Variants in TPST2 observed in about 807,000 individuals in gnomAD.
The protein encoded by TPST2 is protein-tyrosine sulfotransferase 2.
TPST2 carries 16 observed loss-of-function variants against 27.8 expected under a neutral mutation model. That is an observed-to-expected ratio of 0.58 (90% CI 0.39 to 0.88). The LOEUF (loss-of-function observed/expected upper bound fraction) is 0.88. Ranked by LOEUF, TPST2 falls within the 40% of genes least tolerant of loss-of-function variation. The pLI, the probability that TPST2 is intolerant of heterozygous loss-of-function variation, is 0.00. For synonymous variants in TPST2, 229 were observed against 231.7 expected, an observed-to-expected ratio of 0.99 and a Z score of 0.10; for missense variants, 464 against 543.1, an observed-to-expected ratio of 0.85 and a Z score of 1.45.
At chr22:26,533,359 G>A (rs1013066209) in intron 4 of TPST2, among the ~76,000 whole-genome samples, 3 of 152,170 alleles carry the variant, frequency 2.0e-5, no homozygotes, top group African/African-American at 7.2e-5. Flanking sequence ...GGTTGAGGCT[G>A]CAGTGAAGTA....
At chr22:26,532,577 T>G in intron 5 of TPST2, 118 bp downstream of exon 5, 2 of 1,188,968 alleles carry the variant, frequency 1.7e-6, no homozygotes, top group African/African-American at 1.5e-5. Context: ...CACATCCCCC[T>G]TTTTATAATG....
chr22:26,556,973 G>A (rs2147213021), intron 1 of TPST2, among the ~76,000 whole-genome samples: 1 of 152,368 alleles, frequency 6.6e-6, no homozygotes, highest in East Asian at 1.9e-4. Flanking sequence ...GATCCCAGCT[G>A]CTCACAAAGC....
chr22:26,536,157 A>C (rs1925449247), intron 4 of TPST2, 131 bp downstream of exon 4: 4 of 1,221,096 alleles, frequency 3.3e-6, no homozygotes, highest in Non-Finnish European at 4.7e-6. Flanking sequence ...CACTGTGTCC[A>C]TCAGACAGGA....
At chr22:26,554,327 C>A (rs1290530352) in intron 1 of TPST2, among the ~76,000 whole-genome samples, 1 of 152,204 alleles carries the variant, frequency 6.6e-6, no homozygotes, top group Non-Finnish European at 1.5e-5. Context: ...CTGGCACAGC[C>A]CCTGCTCAGG....
At chr22:26,558,612 T>C (rs75587512) in intron 1 of TPST2, among the ~76,000 whole-genome samples, 24,149 of 151,990 alleles carry the variant, frequency 0.16, 2,181 homozygotes, top group South Asian at 0.3. Flanking sequence ...TCTCTTGGGG[T>C]GGGCTTGCTG....
intron 1 of TPST2, among the ~76,000 whole-genome samples, chr22:26,581,112 C>T (rs1928094576): frequency 6.6e-6 from 1 of 152,120 alleles, no homozygotes; most frequent in South Asian, 2.1e-4. Flanking sequence ...TACCAGGCCA[C>T]AGAGTCTCAC....
At chr22:26,567,202 G>A (rs1367398075) in intron 1 of TPST2, among the ~76,000 whole-genome samples, 4 of 152,184 alleles carry the variant, frequency 2.6e-5, no homozygotes, top group African/African-American at 7.2e-5. Context: ...AACAGAAGAG[G>A]CTTACTCCAC....
Position 26,541,126 on chromosome 22 carries a change from G to A in TPST2, c.505C>T (p.Leu169=). Residue 169 remains leucine (L), a synonymous_variant, in exon 3 of 7, where the codon CTG becomes TTG. Coordinates refer to ENST00000338754, the MANE Select transcript of TPST2 (RefSeq NM_003595.5). This position sits in a 1 kb window ranked among gnomAD's most constrained non-coding sequence, Gnocchi z 5.9. ...DPFTLKSSVY[L]SRLFPNSKFL... ...TTGGAGTTGGGGAACAGGCGCGACA[G>A]GTAGACCGAGGACTTGAGCGTAAAT... 1 of 1,607,730 alleles carries A rather than the reference G, an allele frequency of 6.2e-7. No homozygotes were observed.
intron 6 of TPST2, among the ~76,000 whole-genome samples, chr22:26,527,476 G>A (rs1413596736): frequency 1.3e-5 from 2 of 152,154 alleles, no homozygotes; most frequent in Non-Finnish European, 2.9e-5. Flanking sequence ...AAGAAAACAG[G>A]GGCTGAAGGG....
chr22:26,572,176 C>T (rs1927654534), intron 1 of TPST2, among the ~76,000 whole-genome samples: 1 of 152,190 alleles, frequency 6.6e-6, no homozygotes, highest in Non-Finnish European at 1.5e-5. Flanking sequence ...TAGGCCTGGC[C>T]AATCACAGCA....
At chr22:26,549,458 A>C (rs1926324994) in intron 1 of TPST2, among the ~76,000 whole-genome samples, 1 of 152,004 alleles carries the variant, frequency 6.6e-6, no homozygotes, top group South Asian at 2.1e-4. Context: ...GGAGATCGAG[A>C]CCATCCTGGC....
intron 1 of TPST2, among the ~76,000 whole-genome samples, chr22:26,576,343 G>C (rs780559039): frequency 6.6e-6 from 1 of 152,190 alleles, no homozygotes; most frequent in Admixed American, 6.5e-5. Context: ...CCCCAAGTCA[G>C]ATCTACAGGA....
chr22:26,548,860 TG>T (rs1013468938), intron 1 of TPST2, among the ~76,000 whole-genome samples: 12 of 151,782 alleles, frequency 7.9e-5, no homozygotes, highest in Non-Finnish European at 1.5e-4. Flanking sequence ...CCCAGCTAAT[TG>T]GGATGCTGAG....
chr22:26,538,920 T>C (rs1925639093), intron 3 of TPST2, among the ~76,000 whole-genome samples: 1 of 152,148 alleles, frequency 6.6e-6, no homozygotes, highest in Admixed American at 6.5e-5. Flanking sequence ...CAGAGGAGTA[T>C]GTTTCGTTGG....
chr22:26,551,872 C>CTTTTCT (rs1165724559), intron 1 of TPST2, among the ~76,000 whole-genome samples: 2 of 120,062 alleles, frequency 1.7e-5, no homozygotes, highest in South Asian at 5.1e-4. Flanking sequence ...TTTTCCTTTT[C>CTTTTCT]TTTTCTTTTT....
At chr22:26,586,738 G>A (rs1270667716) in intron 1 of TPST2, among the ~76,000 whole-genome samples, 1 of 152,194 alleles carries the variant, frequency 6.6e-6, no homozygotes, top group Middle Eastern at 3.2e-3. Context: ...GATAAGTGCT[G>A]GTCTAAGTTC....
chr22:26,581,970 A>T (rs756642365), intron 1 of TPST2, among the ~76,000 whole-genome samples: 5 of 152,220 alleles, frequency 3.3e-5, no homozygotes, highest in Non-Finnish European at 5.9e-5. Flanking sequence ...CTTTATTTAC[A>T]AATACAGGTA....
chr22:26,578,158 C>T (rs1000399200), intron 1 of TPST2, among the ~76,000 whole-genome samples: 3 of 152,178 alleles, frequency 2.0e-5, no homozygotes, highest in African/African-American at 4.8e-5. Flanking sequence ...GCCTCCCAAT[C>T]GCTCATTTAA....
chr22:26,569,724 A>T (rs1426776413), intron 1 of TPST2, among the ~76,000 whole-genome samples: 1 of 151,886 alleles, frequency 6.6e-6, no homozygotes, highest in Non-Finnish European at 1.5e-5. Flanking sequence ...CTGAGGCAGG[A>T]GGATCACCTG....
Sources: allele counts gnomAD v4.1 joint callset (sites outside exome capture counted in the v4.1 genomes callset), GRCh38; gene constraint gnomAD v4.1.1; non-coding constraint Gnocchi (gnomAD v3.1); transcripts MANE v1.5; gene names NCBI Gene and HGNC (gene_info 2026-07-23, HGNC 2026-07-21).